Variants in DMD observed in about 807,000 individuals in gnomAD.
DMD encodes mutant dystrophin.
In DMD, 63 loss-of-function variants were observed where a neutral mutation model predicts 330.1. The observed-to-expected ratio is 0.19, with a 90% CI of 0.16 to 0.24. The LOEUF is 0.24. DMD is among the 10% of genes least tolerant of loss of function. The pLI is 1.00. For missense variants in DMD, 3,344 were observed against 2,684.1 expected (o/e 1.25, Z -5.43); for synonymous variants, 1,223 against 959.8 (o/e 1.27, Z -5.07).
At chrX:32,676,780 G>T (rs2062000502) in intron 9 of DMD, among the ~76,000 whole-genome samples, 1 of 111,038 alleles carries the variant, frequency 9.0e-6, no homozygotes, top group Admixed American at 9.7e-5. Flanking sequence ...GAGGTATGAT[G>T]TCCTCTGATT....
At chrX:32,201,699 C>T (rs1293739640) in intron 44 of DMD, among the ~76,000 whole-genome samples, 5 of 111,374 alleles carry the variant, frequency 4.5e-5, no homozygotes, top group Non-Finnish European at 9.4e-5. Flanking sequence ...TATAGTTCTT[C>T]TTTCTTACCA....
chrX:32,806,351 G>A (rs190683500), intron 7 of DMD, among the ~76,000 whole-genome samples: 11 of 110,718 alleles, frequency 9.9e-5, no homozygotes, highest in Admixed American at 8.6e-4. Flanking sequence ...AAAAGACAAA[G>A]AAGGGCATTA....
chrX:31,382,693 G>A (rs1380473521), intron 60 of DMD, among the ~76,000 whole-genome samples: 3 of 110,455 alleles, frequency 2.7e-5, no homozygotes, highest in Non-Finnish European at 3.8e-5. Context: ...AATTCTACAT[G>A]ACAAATGTTT....
chrX:31,597,593 T>G (rs1430078463), intron 55 of DMD, among the ~76,000 whole-genome samples: 4 of 111,966 alleles, frequency 3.6e-5, no homozygotes, highest in Non-Finnish European at 5.6e-5. Context: ...GTTTTCCAAT[T>G]CCTGGTTTTC....
chrX:31,275,671 A>G (rs753522955), intron 62 of DMD, among the ~76,000 whole-genome samples: 3 of 111,270 alleles, frequency 2.7e-5, no homozygotes, highest in Non-Finnish European at 5.6e-5. Flanking sequence ...TCAGAATGGA[A>G]ATGTATGCCA....
chrX:32,557,611 C>T (rs1447823156), intron 16 of DMD, among the ~76,000 whole-genome samples: 1 of 111,829 alleles, frequency 8.9e-6, no homozygotes, highest in African/African-American at 3.3e-5. Flanking sequence ...ATCATAGCAA[C>T]AGCTTTAGAT....
intron 59 of DMD, among the ~76,000 whole-genome samples, chrX:31,474,500 G>A (rs148295149): frequency 0.08 from 8,509 of 106,240 alleles, 294 homozygotes; most frequent in East Asian, 0.19. Context: ...TCAGAAGTTC[G>A]AGACTAGCCT....
chrX:32,207,685 T>G (rs1056121314), intron 44 of DMD, among the ~76,000 whole-genome samples: 10 of 112,080 alleles, frequency 8.9e-5, no homozygotes, highest in Non-Finnish European at 1.9e-5. Context: ...GTTATGAGAT[T>G]AAATTTGAAA....
chrX:32,880,406 G>A (rs2083818471), intron 2 of DMD, among the ~76,000 whole-genome samples: 1 of 110,782 alleles, frequency 9.0e-6, no homozygotes, highest in Non-Finnish European at 1.9e-5. Context: ...ACTCTTGTTG[G>A]CATGAAAATC....
intron 2 of DMD, among the ~76,000 whole-genome samples, chrX:32,972,740 C>T (rs1287275636): frequency 3.6e-5 from 4 of 111,502 alleles, no homozygotes; most frequent in African/African-American, 6.5e-5. Context: ...TTAGCATCTC[C>T]GTACTTTAGT....
At chrX:31,208,302 A>G (rs908467099) in intron 65 of DMD, among the ~76,000 whole-genome samples, 1 of 111,987 alleles carries the variant, frequency 8.9e-6, no homozygotes, top group Non-Finnish European at 1.9e-5. Flanking sequence ...CTCTTAAGAA[A>G]AGGTAGATCA....
At chrX:32,831,296 G>C (rs1458658416) in intron 4 of DMD, among the ~76,000 whole-genome samples, 1 of 110,354 alleles carries the variant, frequency 9.1e-6, no homozygotes, top group African/African-American at 3.3e-5. Context: ...ATCCCATGAT[G>C]GTTTACAGTA....
chrX:31,400,049 C>T (rs753793359), intron 60 of DMD, among the ~76,000 whole-genome samples: 1 of 111,808 alleles, frequency 8.9e-6, no homozygotes, highest in African/African-American at 3.2e-5. Context: ...GAAACACAAT[C>T]ATTTCCATTG....
chrX:32,444,415 G>A (rs976164778), intron 27 of DMD, among the ~76,000 whole-genome samples: 2 of 110,236 alleles, frequency 1.8e-5, no homozygotes, highest in African/African-American at 3.3e-5. Flanking sequence ...AGATGAGCTC[G>A]CAAATAAACA....
In DMD at chrX:31,223,011, T is replaced by A. The variant is rs543512556; in HGVS notation, c.9361+36A>T. On this transcript the variant is annotated intron_variant, in intron 64 of 78. Transcript: ENST00000357033. ...CTACTTTTTATTCTAAGCAAAGACA[T>A]AGTATCAAGATCTTCAAATACTGGC... 20 of 1,149,502 alleles carry A rather than the reference T, an allele frequency of 1.7e-5. No homozygotes were observed. In the African/African-American group the frequency reaches 2.9e-4, roughly 16 times the overall value. The allele number at this position is 1,149,502 out of a possible 1,213,427, so 94.7% of individuals were successfully genotyped here. A position where few individuals can be genotyped will look rare whatever the true frequency, so the allele number is the denominator to read the frequency against.
intron 52 of DMD, among the ~76,000 whole-genome samples, chrX:31,689,370 T>C (rs1233061147): frequency 8.9e-6 from 1 of 111,732 alleles, no homozygotes; most frequent in African/African-American, 3.3e-5. Context: ...TCATTCACAA[T>C]TGCTTCAAAG....
At chrX:32,242,195 C>T (rs2097211229) in intron 43 of DMD, among the ~76,000 whole-genome samples, 1 of 111,776 alleles carries the variant, frequency 8.9e-6, no homozygotes, top group South Asian at 3.7e-4. Context: ...TGGTGTGTGG[C>T]CTATGTAACA....
intron 59 of DMD, among the ~76,000 whole-genome samples, chrX:31,469,236 G>T (rs964042123): frequency 9.0e-6 from 1 of 111,223 alleles, no homozygotes; most frequent in Non-Finnish European, 1.9e-5. Context: ...TACTTTGCCC[G>T]TTAGTTGATG....
chrX:31,182,266 GA>G (rs78011867), intron 68 of DMD, among the ~76,000 whole-genome samples: 2 of 109,802 alleles, frequency 1.8e-5, no homozygotes, highest in South Asian at 3.8e-4. Flanking sequence ...ACTTAAGGGA[GA>G]AAAAAAAATG....
Sources: allele counts gnomAD v4.1 joint callset (sites outside exome capture counted in the v4.1 genomes callset), GRCh38; gene constraint gnomAD v4.1.1; transcripts MANE v1.5; gene names NCBI Gene and HGNC (gene_info 2026-07-23, HGNC 2026-07-21).